LMNTD1: variants seen among roughly 807,000 people sequenced by gnomAD.
The protein encoded by LMNTD1 is lamin tail domain-containing protein 1.
Under a neutral mutation model 50.9 loss-of-function variants are expected in LMNTD1, and 35 were observed. The observed-to-expected ratio is 0.69, with a 90% CI of 0.53 to 0.91. LMNTD1 has a LOEUF of 0.91. Among genes scored for constraint, LMNTD1 ranks in the 40% least tolerant of loss-of-function variants. The pLI is 0.00. For synonymous variants in LMNTD1, 153 were observed against 161.9 expected, an observed-to-expected ratio of 0.94 and a Z score of 0.42; for missense variants, 470 against 475.5, an observed-to-expected ratio of 0.99 and a Z score of 0.11.
chr12:25,636,553 C>A (rs145667442), intron 1 of LMNTD1, among the ~76,000 whole-genome samples: 1 of 152,178 alleles, frequency 6.6e-6, no homozygotes, highest in African/African-American at 2.4e-5. Flanking sequence ...ACTAGTACAA[C>A]CACTGTGGAA....
chr12:25,637,856 C>A (rs1396814763), intron 1 of LMNTD1, among the ~76,000 whole-genome samples: 1 of 151,772 alleles, frequency 6.6e-6, no homozygotes, highest in Non-Finnish European at 1.5e-5. Context: ...GAATGGAAAT[C>A]AAAACCATAT....
intron 1 of LMNTD1, among the ~76,000 whole-genome samples, chr12:25,575,994 A>G (rs1277947080): frequency 1.3e-5 from 2 of 152,146 alleles, no homozygotes; most frequent in African/African-American, 2.4e-5. Context: ...TCCAGTTTCA[A>G]CCATGTCCCT....
intron 1 of LMNTD1, among the ~76,000 whole-genome samples, chr12:25,630,933 G>A (rs766836335): frequency 6.6e-6 from 1 of 152,146 alleles, no homozygotes; most frequent in African/African-American, 2.4e-5. Flanking sequence ...CTCGCCCACT[G>A]GCCAGAAACA....
chr12:25,553,309 C>T, upstream of LMNTD1: 7 of 1,342,002 alleles, frequency 5.2e-6, no homozygotes, highest in Non-Finnish European at 6.8e-6. Context: ...CCAACACTGC[C>T]TCTTAGAACT....
intron 1 of LMNTD1, among the ~76,000 whole-genome samples, chr12:25,564,140 CA>C (rs1944453076): frequency 6.6e-6 from 1 of 152,086 alleles, no homozygotes; most frequent in South Asian, 2.1e-4. Flanking sequence ...GGGCTGCACC[CA>C]CTGTCTGACA....
At chr12:25,492,447 GA>G (rs1388649644) in intron 9 of LMNTD1, among the ~76,000 whole-genome samples, 4 of 152,084 alleles carry the variant, frequency 2.6e-5, no homozygotes, top group Admixed American at 6.6e-5. Context: ...ATTTTTAGGG[GA>G]AAAAAACTTG....
At chr12:25,491,528 C>A (rs373582092) in intron 9 of LMNTD1, among the ~76,000 whole-genome samples, 2 of 152,210 alleles carry the variant, frequency 1.3e-5, no homozygotes, top group African/African-American at 4.8e-5. Flanking sequence ...ACTTCAGAGA[C>A]AATAAACTTT....
chr12:25,620,932 G>A (rs904379824), intron 1 of LMNTD1, among the ~76,000 whole-genome samples: 8 of 152,204 alleles, frequency 5.3e-5, no homozygotes, highest in Non-Finnish European at 1.5e-5. Context: ...TACAGATGGA[G>A]AGAAACCAAA....
chr12:25,611,121 C>T (rs1310503338), intron 1 of LMNTD1, among the ~76,000 whole-genome samples: 1 of 152,096 alleles, frequency 6.6e-6, no homozygotes, highest in African/African-American at 2.4e-5. Context: ...AAAGTTTTAA[C>T]CTCAAATACC....
intron 4 of LMNTD1, among the ~76,000 whole-genome samples, chr12:25,541,464 A>G (rs1467659381): frequency 3.1e-5 from 4 of 127,966 alleles, no homozygotes; most frequent in Admixed American, 1.8e-4. Flanking sequence ...AAAACAAGCA[A>G]TGGGGAAAGG....
chr12:25,604,470 G>A (rs1370160462), intron 1 of LMNTD1, among the ~76,000 whole-genome samples: 2 of 151,932 alleles, frequency 1.3e-5, no homozygotes, highest in Non-Finnish European at 2.9e-5. Context: ...TTAGCATTAG[G>A]TATATCTCCT....
Position 25,622,389 on chromosome 12 carries a change from T to G in LMNTD1, c.58+26105A>C, listed in dbSNP as rs373873394. On this transcript the variant is annotated intron_variant, in intron 1 of 7. Coordinates refer to the LMNTD1 transcript ENST00000445693. ...TACAGCCTGTGAACTGCAGAGTTCA[T>G]GCATGACCCACAGGCACTAACATAA... is the stretch of plus-strand genomic sequence containing the variant. Among the ~76,000 whole-genome samples the G allele has an allele frequency of 1.6e-4, 24 of 151,264 alleles. 1 individual carries two copies. In the South Asian group the frequency reaches 5.0e-3, roughly 32 times the overall value.
chr12:25,569,112 C>T (rs1009694676), intron 1 of LMNTD1, among the ~76,000 whole-genome samples: 3 of 152,246 alleles, frequency 2.0e-5, no homozygotes, highest in African/African-American at 7.2e-5. Context: ...CACTCAACTC[C>T]AACCCATGAA....
intron 8 of LMNTD1, 145 bp downstream of exon 8, chr12:25,518,650 C>A (rs905606132): frequency 1.4e-6 from 1 of 693,554 alleles, no homozygotes; most frequent in Non-Finnish European, 2.5e-6. Context: ...GAATGGTTAA[C>A]AATACTTCCT....
At chr12:25,518,668 C>T (rs1940982587) in intron 8 of LMNTD1, 127 bp downstream of exon 8, 1 of 788,940 alleles carries the variant, frequency 1.3e-6, no homozygotes, top group Non-Finnish European at 2.1e-6. Flanking sequence ...CCTTTAAGAG[C>T]CATCTATTCT....
rs192091318 is a variant in LMNTD1 at position 25,603,849 on chromosome 12, G to A, written c.58+44645C>T. On this transcript the variant is annotated intron_variant, in intron 1 of 7. Transcript: ENST00000445693. ...AAATTTTTCTCAAAAAGTGACATAC[G>A]ATTTGATCACCGAAAAATGGCATGA... Among the ~76,000 whole-genome samples, 786 of 152,054 alleles carry A rather than the reference G, an allele frequency of 5.2e-3. 2 individuals carry two copies. Among genetic ancestry groups the A allele is most frequent in the Middle Eastern group, 6.8e-3 (2 of 292 alleles).
intron 1 of LMNTD1, among the ~76,000 whole-genome samples, chr12:25,645,670 A>G (rs929850342): frequency 6.6e-6 from 1 of 152,186 alleles, no homozygotes; most frequent in Admixed American, 6.5e-5. Context: ...CAGCACAAGG[A>G]AAAGAGCTGG....
chr12:25,548,701 C>T (rs1017926687), intron 3 of LMNTD1, among the ~76,000 whole-genome samples: 5 of 151,782 alleles, frequency 3.3e-5, no homozygotes, highest in African/African-American at 1.2e-4. Context: ...GGAAACACAC[C>T]CTCAAAGTTC....
chr12:25,571,239 T>G (rs541049464), intron 1 of LMNTD1, among the ~76,000 whole-genome samples: 21 of 152,310 alleles, frequency 1.4e-4, no homozygotes, highest in African/African-American at 4.6e-4. Flanking sequence ...GTAAATGACA[T>G]TCCTGAAAAA....
Sources: gnomAD v4.1 joint callset for allele counts (sites outside exome capture counted in the v4.1 genomes callset) on GRCh38, gnomAD v4.1.1 for gene constraint, MANE v1.5 for transcripts, NCBI Gene and HGNC (gene_info 2026-07-23, HGNC 2026-07-21) for gene names.